Variants in BCAS3 observed in about 807,000 individuals in gnomAD.
BCAS3 encodes BCAS3 microtubule associated cell migration factor, also known as BCAS4/BCAS3 fusion.
A neutral mutation model predicts 116.1 loss-of-function variants in BCAS3; 53 were observed. That is an observed-to-expected ratio of 0.46 (90% CI 0.37 to 0.57). The LOEUF is 0.57. Ranked by LOEUF, BCAS3 falls within the 20% of genes least tolerant of loss-of-function variation. The probability of loss-of-function intolerance (pLI) is 0.00; values close to 1 mark genes in which losing one functional copy is unlikely to be tolerated. For missense variants in BCAS3, 917 were observed against 1,165.4 expected (o/e 0.79, Z 3.10); for synonymous variants, 391 against 408.2 (o/e 0.96, Z 0.51).
intron 6 of BCAS3, among the ~76,000 whole-genome samples, chr17:60,768,345 A>G (rs2044320089): frequency 6.6e-6 from 1 of 152,174 alleles, no homozygotes; most frequent in African/African-American, 2.4e-5. Flanking sequence ...CCCACCCTTA[A>G]TCTGGATGGA....
intron 22 of BCAS3, among the ~76,000 whole-genome samples, chr17:61,319,601 A>G (rs1602651578): frequency 1.3e-5 from 2 of 151,840 alleles, no homozygotes; most frequent in East Asian, 1.9e-4. Flanking sequence ...TAAATTCAAA[A>G]GTTTGCCAGG....
intron 21 of BCAS3, among the ~76,000 whole-genome samples, chr17:61,078,935 A>G (rs2072285940): frequency 6.6e-6 from 1 of 152,220 alleles, no homozygotes; most frequent in African/African-American, 2.4e-5. Context: ...TTTAGATTAT[A>G]TAAAGTTTTT....
intron 5 of BCAS3, among the ~76,000 whole-genome samples, chr17:60,739,882 T>C (rs1340679924): frequency 6.6e-6 from 1 of 151,818 alleles, no homozygotes; most frequent in Non-Finnish European, 1.5e-5. Context: ...TTTTTGTTTT[T>C]GTTTTTTTTT....
At chr17:60,987,145 A>G (rs2063190637) in intron 14 of BCAS3, 2 of 151,960 alleles carry the variant, frequency 1.3e-5, no homozygotes, top group Non-Finnish European at 2.9e-5. Flanking sequence ...CACTGTAGGT[A>G]TGTAGATTTG....
intron 22 of BCAS3, among the ~76,000 whole-genome samples, chr17:61,360,848 A>G (rs1015879645): frequency 2.6e-5 from 4 of 152,230 alleles, no homozygotes; most frequent in Non-Finnish European, 5.9e-5. Context: ...CAAAGTTCAA[A>G]CAGGGAAAAT....
At chr17:60,910,305 G>C (rs2058425459) in intron 11 of BCAS3, among the ~76,000 whole-genome samples, 1 of 152,026 alleles carries the variant, frequency 6.6e-6, no homozygotes, top group Admixed American at 6.6e-5. Flanking sequence ...TGCCTGCCAT[G>C]GTGACTTTAG....
intron 14 of BCAS3, among the ~76,000 whole-genome samples, chr17:60,985,288 G>C (rs2063070850): frequency 1.3e-5 from 2 of 151,602 alleles, no homozygotes; most frequent in African/African-American, 2.4e-5. Context: ...TGGAAGTACA[G>C]GCATGCGCCA....
intron 6 of BCAS3, among the ~76,000 whole-genome samples, chr17:60,769,723 C>T (rs2044468926): frequency 6.6e-6 from 1 of 152,102 alleles, no homozygotes. Context: ...CTCTCCTTGG[C>T]CCAGTGGCCT....
In BCAS3 at chr17:61,065,470, A is replaced by G. The variant is rs2070509867; in HGVS notation, c.2030-9450A>G. Among the ~76,000 whole-genome samples, 1 of 152,172 alleles carries G rather than the reference A, an allele frequency of 6.6e-6. No homozygotes were observed. The highest frequency in any genetic ancestry group is 1.5e-5 in the Non-Finnish European group (1 of 68,020). ...AAATATATTGAGGTTTGTCCTTGGGAGAGAGTTTATCACTGTTGGCCTTTG... is the reference window on the plus strand; with the variant it reads ...AAATATATTGAGGTTTGTCCTTGGGGGAGAGTTTATCACTGTTGGCCTTTG... On this transcript the variant is annotated intron_variant, in intron 19 of 23. Transcript: ENST00000407086. This position sits in a 1 kb window ranked among gnomAD's most constrained non-coding sequence, Gnocchi z 4.8.
At chr17:60,981,598 G>C (rs1422169148) in intron 14 of BCAS3, among the ~76,000 whole-genome samples, 3 of 152,138 alleles carry the variant, frequency 2.0e-5, no homozygotes, top group East Asian at 1.9e-4. Context: ...AGTGATAGCA[G>C]TATGTTGATA....
At chr17:60,749,375 A>G (rs1037913381) in intron 6 of BCAS3, among the ~76,000 whole-genome samples, 1 of 152,320 alleles carries the variant, frequency 6.6e-6, no homozygotes, top group East Asian at 1.9e-4. Flanking sequence ...CTGGAAATCC[A>G]TACAATGTTG....
intron 10 of BCAS3, among the ~76,000 whole-genome samples, chr17:60,892,866 G>C (rs1161161652): frequency 2.0e-5 from 3 of 152,044 alleles, no homozygotes; most frequent in Non-Finnish European, 4.4e-5. Context: ...AGGTTGCGGT[G>C]AGCCGAGATC....
intron 16 of BCAS3, among the ~76,000 whole-genome samples, chr17:61,030,772 T>G (rs1036504167): frequency 6.6e-6 from 1 of 152,106 alleles, no homozygotes; most frequent in African/African-American, 2.4e-5. Context: ...GTCATTTTTA[T>G]GATGCTGAAA....
chr17:61,006,818 T>A (rs921039740), intron 15 of BCAS3, among the ~76,000 whole-genome samples: 5 of 152,030 alleles, frequency 3.3e-5, no homozygotes, highest in Non-Finnish European at 7.4e-5. Context: ...TTTTAAAAAA[T>A]TTTTATTTAT....
chr17:61,009,146 C>G (rs1036678125), intron 15 of BCAS3, among the ~76,000 whole-genome samples: 2 of 151,982 alleles, frequency 1.3e-5, no homozygotes, highest in African/African-American at 4.8e-5. Context: ...AGGTCTGTGT[C>G]TGTGGTAAGA....
intron 6 of BCAS3, among the ~76,000 whole-genome samples, chr17:60,752,416 T>C (rs1008203034): frequency 9.3e-6 from 1 of 107,620 alleles, no homozygotes; most frequent in Non-Finnish European, 2.1e-5. Flanking sequence ...CTCACATGTG[T>C]ATTTCATTTT....
chr17:60,910,577 C>A lies in BCAS3; in HGVS notation c.868C>A (p.Leu290Met), dbSNP rs756934773. Residue 290 changes from leucine to methionine, a missense_variant, in exon 12 of 24, where the codon CTG (leucine) becomes ATG (methionine). Physicochemically the swap from Leu to Met is conservative, Grantham distance 15. Coordinates refer to ENST00000407086, the MANE Select transcript of BCAS3 (RefSeq NM_017679.5). ...LTMVGKVVTQ[L>M]TGTLPSGVTE... ...AATGGTAGGGAAAGTGGTGACTCAG[C>A]TGACAGGCACACTGCCTTCAGGTGT... The A allele has an allele frequency of 6.2e-7, 1 of 1,610,416 alleles. No individual in the cohort carries two copies. The highest frequency in any genetic ancestry group is 8.5e-7 in the Non-Finnish European group (1 of 1,178,384).
In BCAS3 at chr17:60,904,132, G is replaced by A. The variant is rs141423934; in HGVS notation, c.822+1429G>A. On this transcript the variant is annotated intron_variant, in intron 11 of 23. Transcript: ENST00000407086. ...TTTAAAAATAAGTGCAGGGCTGGGC[G>A]CTGTGGCTCATGCCTGTAATCCCAG... Among the ~76,000 whole-genome samples, 375 of 152,292 alleles carry A rather than the reference G, an allele frequency of 2.5e-3. 1 individual carries two copies. The highest frequency in any genetic ancestry group is 8.5e-3 in the African/African-American group (354 of 41,552).
chr17:61,011,464 G>A (rs2065109836), intron 15 of BCAS3, among the ~76,000 whole-genome samples: 1 of 152,050 alleles, frequency 6.6e-6, no homozygotes, highest in African/African-American at 2.4e-5. Flanking sequence ...CAGTGAACGT[G>A]AGACTAAGCA....
Sources: gnomAD v4.1 joint callset for allele counts (sites outside exome capture counted in the v4.1 genomes callset) on GRCh38, gnomAD v4.1.1 for gene constraint, Gnocchi (gnomAD v3.1) non-coding constraint, MANE v1.5 for transcripts, NCBI Gene and HGNC (gene_info 2026-07-23, HGNC 2026-07-21) for gene names.